Variants in UBASH3B observed in about 807,000 individuals in gnomAD.
UBASH3B encodes ubiquitin associated and SH3 domain containing B, also known as ubiquitin-associated and SH3 domain-containing protein B.
A neutral mutation model predicts 83.4 loss-of-function variants in UBASH3B; 37 were observed. That is an observed-to-expected ratio of 0.44 (90% CI 0.34 to 0.58). UBASH3B has a LOEUF of 0.58. Ranked by LOEUF, UBASH3B falls within the 20% of genes least tolerant of loss-of-function variation. The pLI, the probability that UBASH3B is intolerant of heterozygous loss-of-function variation, is 0.01. For synonymous variants in UBASH3B, 304 were observed against 318.3 expected (o/e 0.96, Z 0.48); for missense variants, 657 against 827.2 (o/e 0.79, Z 2.52).
At chr11:122,801,556 G>C (rs953326992) in intron 11 of UBASH3B, among the ~76,000 whole-genome samples, 5 of 152,190 alleles carry the variant, frequency 3.3e-5, no homozygotes, top group Admixed American at 6.5e-5. Flanking sequence ...TCACCCCCGT[G>C]TTGGATTTTT....
intron 1 of UBASH3B, among the ~76,000 whole-genome samples, chr11:122,708,934 C>T (rs1231344779): frequency 6.6e-6 from 1 of 152,174 alleles, no homozygotes; most frequent in Non-Finnish European, 1.5e-5. Context: ...ATGCAGAACC[C>T]AGCCAACTTA....
intron 1 of UBASH3B, among the ~76,000 whole-genome samples, chr11:122,730,159 G>A (rs1004761599): frequency 3.3e-5 from 5 of 152,012 alleles, no homozygotes; most frequent in Non-Finnish European, 2.9e-5. Flanking sequence ...GATGGTGTGC[G>A]CCTGTAATCC....
chr11:122,697,589 A>G (rs1326942112), intron 1 of UBASH3B, among the ~76,000 whole-genome samples: 1 of 152,172 alleles, frequency 6.6e-6, no homozygotes, highest in Non-Finnish European at 1.5e-5. Context: ...TCGAACCCAG[A>G]TCCACTGCCT....
At chr11:122,694,404 A>C (rs1176408978) in intron 1 of UBASH3B, among the ~76,000 whole-genome samples, 2 of 152,100 alleles carry the variant, frequency 1.3e-5, no homozygotes, top group African/African-American at 2.4e-5. Context: ...ATTTTAATGA[A>C]ACTTACTCAG....
chr11:122,690,331 T>A (rs1435307539), intron 1 of UBASH3B, among the ~76,000 whole-genome samples: 1 of 147,832 alleles, frequency 6.8e-6, no homozygotes, highest in Admixed American at 6.9e-5. Flanking sequence ...TAATGAGGAT[T>A]CTATATTATA....
At chr11:122,801,672 T>C (rs1056570172) in intron 11 of UBASH3B, among the ~76,000 whole-genome samples, 1 of 152,198 alleles carries the variant, frequency 6.6e-6, no homozygotes, top group Non-Finnish European at 1.5e-5. Flanking sequence ...ATAAGGGAGA[T>C]GATGATGTCT....
intron 1 of UBASH3B, among the ~76,000 whole-genome samples, chr11:122,760,470 C>T (rs1861351986): frequency 6.6e-6 from 1 of 152,098 alleles, no homozygotes; most frequent in Admixed American, 6.5e-5. Context: ...AAGCAATTCT[C>T]CTGCCTCGGC....
intron 1 of UBASH3B, among the ~76,000 whole-genome samples, chr11:122,712,573 G>A (rs1041076060): frequency 2.0e-5 from 3 of 152,078 alleles, no homozygotes; most frequent in Non-Finnish European, 4.4e-5. Flanking sequence ...TCTGCATCCT[G>A]TTGAGCACCA....
intron 1 of UBASH3B, among the ~76,000 whole-genome samples, chr11:122,717,441 G>A (rs1000722): frequency 0.28 from 43,175 of 152,178 alleles, 7,095 homozygotes; most frequent in East Asian, 0.68. Flanking sequence ...GTAGGGAGGA[G>A]GATGTCCTTG....
chr11:122,771,251 A>C (rs1489957672), intron 1 of UBASH3B, among the ~76,000 whole-genome samples: 1 of 134,996 alleles, frequency 7.4e-6, no homozygotes, highest in African/African-American at 2.8e-5. Flanking sequence ...TTTTTTTCTG[A>C]GATGGAGTTT....
At chr11:122,722,341 A>G (rs1286825473) in intron 1 of UBASH3B, among the ~76,000 whole-genome samples, 2 of 152,214 alleles carry the variant, frequency 1.3e-5, no homozygotes, top group Non-Finnish European at 2.9e-5. Flanking sequence ...CAGGAACCCA[A>G]GTACAGGTCT....
intron 1 of UBASH3B, among the ~76,000 whole-genome samples, chr11:122,681,297 A>C (rs1863735071): frequency 2.0e-5 from 3 of 152,316 alleles, no homozygotes; most frequent in East Asian, 1.9e-4. Flanking sequence ...AATCCACCCA[A>C]AATTTCTACA....
At chr11:122,740,855 T>G (rs1158650762) in intron 1 of UBASH3B, among the ~76,000 whole-genome samples, 2 of 152,212 alleles carry the variant, frequency 1.3e-5, no homozygotes, top group Admixed American at 6.5e-5. Flanking sequence ...TTCACTATAT[T>G]ACTTTTAAAG....
intron 1 of UBASH3B, among the ~76,000 whole-genome samples, chr11:122,680,992 C>T (rs936411193): frequency 2.0e-5 from 3 of 151,980 alleles, no homozygotes; most frequent in Non-Finnish European, 4.4e-5. Flanking sequence ...GAGCAAGACC[C>T]GAGGCATTTC....
At chr11:122,657,271 AT>A (rs112842383) in intron 1 of UBASH3B, among the ~76,000 whole-genome samples, 1 of 150,632 alleles carries the variant, frequency 6.6e-6, no homozygotes, top group Non-Finnish European at 1.5e-5. Flanking sequence ...CCCTTCTCAC[AT>A]TTTTTTTTCA....
intron 1 of UBASH3B, among the ~76,000 whole-genome samples, chr11:122,702,998 C>T (rs964932750): frequency 6.6e-6 from 1 of 152,300 alleles, no homozygotes; most frequent in African/African-American, 2.4e-5. Flanking sequence ...ATTGGACACT[C>T]CCTCAAGATC....
rs77797055 is a variant in UBASH3B, at chr11:122,720,022, A to G, written c.162-56197A>G. On this transcript the variant is annotated intron_variant, in intron 1 of 13. Coordinates refer to ENST00000284273, the MANE Select transcript of UBASH3B (RefSeq NM_032873.5). ...GTAAATATTGGAGAGCCCTCAGCTG[A>G]AAACCATGGACCCCTTCTCTCCTTT... Among the ~76,000 whole-genome samples the G allele has an allele frequency of 4.5e-3, 684 of 152,220 alleles. 6 individuals carry two copies. Among genetic ancestry groups the G allele is most frequent in the African/African-American group, 0.015 (639 of 41,532 alleles).
At chr11:122,765,376 C>T (rs915369078) in intron 1 of UBASH3B, among the ~76,000 whole-genome samples, 9 of 152,178 alleles carry the variant, frequency 5.9e-5, no homozygotes, top group African/African-American at 1.9e-4. Context: ...CAGGGAAGGA[C>T]GGGCACTTGC....
chr11:122,720,374 T>G (rs954772450), intron 1 of UBASH3B, among the ~76,000 whole-genome samples: 1 of 152,178 alleles, frequency 6.6e-6, no homozygotes, highest in Non-Finnish European at 1.5e-5. Context: ...CATTCTCTCT[T>G]GCTTGTATTA....
Sources: allele counts gnomAD v4.1 joint callset (sites outside exome capture counted in the v4.1 genomes callset), GRCh38; gene constraint gnomAD v4.1.1; transcripts MANE v1.5; gene names NCBI Gene and HGNC (gene_info 2026-07-23, HGNC 2026-07-21).